Variants in PPP2R2D observed in about 807,000 individuals in gnomAD.
PPP2R2D encodes the protein serine/threonine-protein phosphatase 2A 55 kDa regulatory subunit B delta isoform.
PPP2R2D carries 9 observed loss-of-function variants against 31.1 expected under a neutral mutation model. That is an observed-to-expected ratio of 0.29 (90% CI 0.17 to 0.51). The LOEUF is 0.51. Ranked by LOEUF, PPP2R2D falls within the 20% of genes least tolerant of loss-of-function variation. The pLI, the probability that PPP2R2D is intolerant of heterozygous loss-of-function variation, is 0.98. For missense variants in PPP2R2D, 391 were observed against 465.6 expected (o/e 0.84, Z 1.48); for synonymous variants, 179 against 172.6 (o/e 1.04, Z -0.29).
Position 131,901,386 on chromosome 10 carries a change from CCG to C in PPP2R2D, c.100+63_100+64del, listed in dbSNP as rs1286322191. 8.6e-6 allele frequency: 3 copies of C among 347,958 alleles called. No homozygotes were observed. The East Asian group carries it at 1.3e-4, about 15-fold the overall frequency. The allele number at this position is 347,958 out of a possible 1,614,324, so 21.6% of individuals were successfully genotyped here. A position where few individuals can be genotyped will look rare whatever the true frequency, so the allele number is the denominator to read the frequency against. On this transcript the variant is annotated intron_variant, in intron 2 of 8. Coordinates refer to ENST00000455566, the MANE Select transcript of PPP2R2D (RefSeq NM_018461.5). The stretch of plus-strand genomic sequence containing the variant: ...CCCTCGCGGACAGCTCCCAGCCCGG[CCG>C]CGCGCGGCCTCCGGGCCCCAAGCGT...
intron 2 of PPP2R2D, among the ~76,000 whole-genome samples, chr10:131,908,031 C>T (rs2035625058): frequency 6.6e-6 from 1 of 152,256 alleles, no homozygotes; most frequent in Admixed American, 6.5e-5. Context: ...TTGTTAAGAT[C>T]AAACAATGTG....
In PPP2R2D at chr10:131,947,463, G is replaced by C; in HGVS notation, c.821-67G>C. ...TCTCTGAAGGGGCCACTTCCTACTT[G>C]AACTTGAAAATGATTTGTTCTCTGA... On this transcript the variant is annotated intron_variant, in intron 7 of 8. Coordinates refer to ENST00000455566, the MANE Select transcript of PPP2R2D (RefSeq NM_018461.5). The surrounding 1 kb of genome is among the most constrained non-coding windows in gnomAD (Gnocchi z 4.3). 2 of 1,531,524 alleles carry C rather than the reference G, an allele frequency of 1.3e-6. No homozygotes were observed. The highest frequency in any genetic ancestry group is 2.3e-5 in the East Asian group (1 of 43,726). 94.9% of individuals were successfully genotyped at this position (1,531,524 alleles called of 1,614,324 possible).
chr10:131,954,765 C>T (rs1326356096), intron 8 of PPP2R2D, among the ~76,000 whole-genome samples: 1 of 152,132 alleles, frequency 6.6e-6, no homozygotes. Flanking sequence ...ACCTTGAAGA[C>T]GCGCCAGCGT....
intron 2 of PPP2R2D, among the ~76,000 whole-genome samples, chr10:131,915,809 C>A (rs1005895966): frequency 6.6e-6 from 1 of 152,202 alleles, no homozygotes; most frequent in Non-Finnish European, 1.5e-5. Flanking sequence ...TTAAAGGCAT[C>A]TGAAATATTA....
rs782471400 is a variant in PPP2R2D, at chr10:131,947,698, A to G, written c.989A>G (p.Gln330Arg). ...GAGAGCAGGCCGGTGGAGACCCACCAGGTCCACGAGTACCTGCGCAGCAAG... is the reference window on the plus strand; with the variant it reads ...GAGAGCAGGCCGGTGGAGACCCACCGGGTCCACGAGTACCTGCGCAGCAAG... ...NMESRPVETHQVHEYLRSKLC... is the reference protein window; with the variant it reads ...NMESRPVETHRVHEYLRSKLC... Residue 330 changes from glutamine (Q) to arginine (R), a missense_variant, in exon 8 of 9, where the codon CAG (glutamine) becomes CGG (arginine). Coordinates refer to ENST00000455566, the MANE Select transcript of PPP2R2D (RefSeq NM_018461.5). This position sits in a 1 kb window ranked among gnomAD's most constrained non-coding sequence, Gnocchi z 4.3. 1 of 1,614,208 alleles carries G rather than the reference A, an allele frequency of 6.2e-7. No individual in the cohort carries two copies. The highest frequency in any genetic ancestry group is 8.5e-7 in the Non-Finnish European group (1 of 1,180,040).
At chr10:131,938,035 C>T (rs1589949961) in intron 3 of PPP2R2D, among the ~76,000 whole-genome samples, 3 of 151,798 alleles carry the variant, frequency 2.0e-5, no homozygotes, top group South Asian at 2.1e-4. Context: ...AGCTCCTGCC[C>T]GTGGAGGCTT....
rs1554896166 is a variant in PPP2R2D at position 131,934,485 on chromosome 10, A to G, written c.128A>G (p.Asn43Ser). 1 of 780,252 alleles carries G rather than the reference A, an allele frequency of 1.3e-6. No individual in the cohort carries two copies. The allele number at this position is 780,252 out of a possible 1,614,324, so 48.3% of individuals were successfully genotyped here. A position where few individuals can be genotyped will look rare whatever the true frequency, so the allele number is the denominator to read the frequency against. ...GACATCATTTCCACCGTTGAGTTTA[A>G]TTACTCTGGAGATCTTCTTGCAACA... ...EADIISTVEF[N>S]YSGDLLATGD... is the part of the protein sequence containing the mutation. The change falls in exon 3 of 9, where the codon AAT becomes AGT. Residue 43 changes from asparagine to serine, a missense_variant. By Grantham distance (46) the Asn-to-Ser change is conservative. Transcript: ENST00000455566.
intron 8 of PPP2R2D, among the ~76,000 whole-genome samples, chr10:131,954,979 A>G (rs1425820562): frequency 6.6e-6 from 1 of 152,232 alleles, no homozygotes; most frequent in African/African-American, 2.4e-5. Flanking sequence ...TTTTTCTGTC[A>G]TTTTTGTAGA....
chr10:131,932,098 T>C (rs916322083), intron 2 of PPP2R2D, among the ~76,000 whole-genome samples: 16 of 152,292 alleles, frequency 1.1e-4, no homozygotes, highest in Admixed American at 1.0e-3. Context: ...TGGCCCACCA[T>C]GTTCGGCGGG....
At chr10:131,937,030 G>A (rs148544970) in intron 3 of PPP2R2D, among the ~76,000 whole-genome samples, 7 of 152,344 alleles carry the variant, frequency 4.6e-5, no homozygotes, top group Middle Eastern at 3.4e-3. Context: ...CCCATCAAGC[G>A]ACCCCAGCTC....
At chr10:131,911,449 A>G (rs1201032782) in intron 2 of PPP2R2D, 4 of 152,370 alleles carry the variant, frequency 2.6e-5, no homozygotes, top group East Asian at 3.9e-4. Context: ...GGCACATTTT[A>G]TCACAGGGTT....
chr10:131,953,288 C>T (rs1217077591), intron 8 of PPP2R2D, among the ~76,000 whole-genome samples: 3 of 95,610 alleles, frequency 3.1e-5, no homozygotes, highest in East Asian at 3.6e-4. Context: ...TGCAGGTATG[C>T]GGGGGTTCAC....
At chr10:131,915,364 T>C (rs1342776203) in intron 2 of PPP2R2D, among the ~76,000 whole-genome samples, 1 of 152,166 alleles carries the variant, frequency 6.6e-6, no homozygotes, top group Non-Finnish European at 1.5e-5. Context: ...GGCTCCGTTG[T>C]TTGCCACCTC....
At chr10:131,914,834 C>G (rs983200611) in intron 2 of PPP2R2D, among the ~76,000 whole-genome samples, 1 of 152,100 alleles carries the variant, frequency 6.6e-6, no homozygotes, top group African/African-American at 2.4e-5. Context: ...GAGACTTTGG[C>G]TTTTATTCTG....
downstream of PPP2R2D, among the ~76,000 whole-genome samples, chr10:131,961,787 G>T (rs1554901504): frequency 6.6e-6 from 1 of 152,036 alleles, no homozygotes; most frequent in East Asian, 1.9e-4. Flanking sequence ...GGCAGGTGGT[G>T]GTGTCATACC....
At chr10:131,953,382 CAGGTGTGT>C (rs2036725630) in intron 8 of PPP2R2D, among the ~76,000 whole-genome samples, 1 of 48,444 alleles carries the variant, frequency 2.1e-5, no homozygotes, top group Non-Finnish European at 3.5e-5. Context: ...CAGTGACTTG[CAGGTGTGT>C]GGGGGGTTCA....
intron 8 of PPP2R2D, among the ~76,000 whole-genome samples, chr10:131,949,527 C>T (rs2036602410): frequency 6.6e-6 from 1 of 152,086 alleles, no homozygotes; most frequent in Non-Finnish European, 1.5e-5. Context: ...CAGGAAAAGC[C>T]ACCGTGAGCA....
Position 131,901,175 on chromosome 10 carries a change from CG to C in PPP2R2D, c.7+22del. On this transcript the variant is annotated intron_variant, in intron 1 of 8. Coordinates refer to ENST00000455566, the MANE Select transcript of PPP2R2D (RefSeq NM_018461.5). ...TGGCAGGTGAGGGGTCTGCGCGGGC[CG>C]GCGGGGACCACGGGGGCGGGCGGGG... 3.2e-6 allele frequency: 1 copy of C among 312,552 alleles called. No homozygotes were observed. Among genetic ancestry groups the C allele is most frequent in the Non-Finnish European group, 5.8e-6 (1 of 173,426 alleles). The allele number at this position is 312,552 out of a possible 1,614,324, so 19.4% of individuals were successfully genotyped here. A position where few individuals can be genotyped will look rare whatever the true frequency, so the allele number is the denominator to read the frequency against.
Position 131,934,536 on chromosome 10 carries a change from T to C in PPP2R2D, c.179T>C (p.Ile60Thr). The C allele has an allele frequency of 1.3e-6, 1 of 779,894 alleles. No individual in the cohort carries two copies. The highest frequency in any genetic ancestry group is 2.4e-6 in the Non-Finnish European group (1 of 417,742). The allele number at this position is 779,894 out of a possible 1,614,324, so 48.3% of individuals were successfully genotyped here. The change falls in exon 3 of 9, where the codon ATT becomes ACT. Residue 60 changes from isoleucine to threonine, a missense_variant. By Grantham distance (89) the Ile-to-Thr change is moderately conservative. Around this residue, in one of 3 missense-constraint regions of PPP2R2D, gnomAD observed 105 missense variants for 98.5 expected, o/e 1.07. Coordinates refer to ENST00000455566, the MANE Select transcript of PPP2R2D (RefSeq NM_018461.5). Reference sequence around the variant, plus strand: ...GGAGACAAGGGCGGCAGAGTTGTTATTTTTCAGCGTGAACAAGAGGTCAGT... The same window carrying C: ...GGAGACAAGGGCGGCAGAGTTGTTACTTTTCAGCGTGAACAAGAGGTCAGT... ...ATGDKGGRVV[I>T]FQREQENKSR... is the part of the protein sequence containing the mutation.
Sources: allele counts gnomAD v4.1 joint callset (sites outside exome capture counted in the v4.1 genomes callset), GRCh38; gene constraint gnomAD v4.1.1; regional missense constraint gnomAD v4.1.1; non-coding constraint Gnocchi (gnomAD v3.1); transcripts MANE v1.5; gene names NCBI Gene and HGNC (gene_info 2026-07-23, HGNC 2026-07-21).